Variants in UNC13B observed in about 807,000 individuals in gnomAD.
The protein encoded by UNC13B is protein unc-13 homolog B.
UNC13B carries 144 observed loss-of-function variants against 211.0 expected under a neutral mutation model. The ratio of observed to expected loss-of-function variants is 0.68; its 90% CI spans 0.60 to 0.78. The LOEUF (loss-of-function observed/expected upper bound fraction) is 0.78. UNC13B is among the 30% of genes least tolerant of loss of function. The pLI is 0.00. For synonymous variants in UNC13B, 709 were observed against 725.8 expected, an observed-to-expected ratio of 0.98 and a Z score of 0.37; for missense variants, 1,777 against 2,002.0, an observed-to-expected ratio of 0.89 and a Z score of 2.14.
chr9:35,396,631 G>A (rs368866442), intron 27 of UNC13B, 29 bp downstream of exon 27: 2 of 1,612,870 alleles, frequency 1.2e-6, no homozygotes, highest in Non-Finnish European at 8.5e-7. Flanking sequence ...ACTACAGAGG[G>A]AAGGGAGCCC....
At chr9:35,393,408 G>A (rs1023541826) in intron 26 of UNC13B, among the ~76,000 whole-genome samples, 6 of 152,026 alleles carry the variant, frequency 3.9e-5, no homozygotes, top group Admixed American at 2.0e-4. Context: ...AAGACCTGGG[G>A]TCTAGAGAGA....
chr9:35,173,956 C>T (rs774020664), intron 1 of UNC13B, among the ~76,000 whole-genome samples: 2 of 152,094 alleles, frequency 1.3e-5, no homozygotes, highest in Non-Finnish European at 2.9e-5. Context: ...GTAGTAGTAC[C>T]AGTGATGGTG....
rs1824958296 is a variant in UNC13B at position 35,228,025 on chromosome 9, C to A, written c.33C>A (p.Ala11=). 6.2e-7 allele frequency: 1 copy of A among 1,612,096 alleles called. No homozygotes were observed. Among genetic ancestry groups the A allele is most frequent in the African/African-American group, 1.3e-5 (1 of 74,796 alleles). The change falls in exon 2 of 40, where the codon GCC becomes GCA. Residue 11 remains alanine, a synonymous_variant. Coordinates refer to ENST00000635942, the MANE Select transcript of UNC13B (RefSeq NM_001371189.2). MSLLCVRVKR[A]KFQGSPDKFN... is the part of the protein sequence containing the mutation. ...TTTTTTCTCTTGCAGTTAAAAGGGC[C>A]AAATTCCAGGGTTCACCAGGTAAGG...
At chr9:35,182,982 G>A (rs1353647005) in intron 1 of UNC13B, among the ~76,000 whole-genome samples, 2 of 152,136 alleles carry the variant, frequency 1.3e-5, no homozygotes, top group Non-Finnish European at 2.9e-5. Context: ...GATGGTCGCT[G>A]TCTCTTCAGA....
intron 7 of UNC13B, among the ~76,000 whole-genome samples, chr9:35,279,486 A>G (rs1420776908): frequency 6.6e-6 from 1 of 152,164 alleles, no homozygotes; most frequent in African/African-American, 2.4e-5. Context: ...GGCTATTGTG[A>G]ATAGTGCTGC....
chr9:35,305,354 A>G lies in UNC13B; in HGVS notation c.5950A>G (p.Thr1984Ala). The G allele has an allele frequency of 2.5e-6, 1 of 398,926 alleles. No homozygotes were observed. The highest frequency in any genetic ancestry group is 4.4e-6 in the Non-Finnish European group (1 of 225,990). The allele number at this position is 398,926 out of a possible 1,614,324, so 24.7% of individuals were successfully genotyped here. A position where few individuals can be genotyped will look rare whatever the true frequency, so the allele number is the denominator to read the frequency against. The change falls in exon 9 of 40, where the codon ACC becomes GCC. Residue 1984 changes from threonine to alanine, a missense_variant. Thr to Ala is a moderately conservative substitution (Grantham distance 58, BLOSUM62 0). Transcript: ENST00000635942. ...ESSGVSNFWG[T>A]LGDFFKANVS... The stretch of plus-strand genomic sequence containing the variant: ...TTCTGGTGTTTCAAATTTTTGGGGT[A>G]CCCTTGGGGATTTCTTTAAAGCCAA...
Position 35,389,981 on chromosome 9 carries a change from T to A in UNC13B, c.11222+8T>A. On this transcript the variant is annotated splice_region_variant and intron_variant, in intron 25 of 39. Coordinates refer to ENST00000635942, the MANE Select transcript of UNC13B (RefSeq NM_001371189.2). ...CACACCTGTTCTGAACCAGTGAGTA[T>A]CACCCTCTTTGGCCCTGTCTGTTGG... is the stretch of plus-strand genomic sequence containing the variant. The A allele has an allele frequency of 6.2e-7, 1 of 1,613,776 alleles. No homozygotes were observed. Among genetic ancestry groups the A allele is most frequent in the South Asian group, 1.1e-5 (1 of 91,056 alleles).
rs1371480642 is a variant in UNC13B, at chr9:35,313,673, T to TAAATAAAA, written c.9324-223_9324-222insTAAAAAAA. ...ATAAATAAATAAATAAATAAATAAA[T>TAAATAAAA]AAAAGAGGGAACAGATGAGAAGCTA... On this transcript the variant is annotated intron_variant, in intron 10 of 39. Transcript: ENST00000635942. Among the ~76,000 whole-genome samples the TAAATAAAA allele has an allele frequency of 7.6e-5, 11 of 144,934 alleles. No individual in the cohort carries two copies. The Middle Eastern group carries it at 0.011, about 141-fold the overall frequency.
chr9:35,370,439 GT>G, intron 13 of UNC13B, 43 bp downstream of exon 13: 2 of 1,591,744 alleles, frequency 1.3e-6, no homozygotes, highest in Non-Finnish European at 1.7e-6. Flanking sequence ...TAGCCTTGGG[GT>G]ATCCCCCATT....
At chr9:35,374,337 G>T (rs1365670765) in intron 13 of UNC13B, among the ~76,000 whole-genome samples, 2 of 121,648 alleles carry the variant, frequency 1.6e-5, no homozygotes, top group East Asian at 3.0e-4. Flanking sequence ...TAACTCTCTG[G>T]GCTTGGCATA....
At chr9:35,235,866 C>G (rs1267449563) in intron 3 of UNC13B, among the ~76,000 whole-genome samples, 1 of 152,102 alleles carries the variant, frequency 6.6e-6, no homozygotes, top group Non-Finnish European at 1.5e-5. Flanking sequence ...GGCAGGCAGG[C>G]CTGGCAATAA....
intron 22 of UNC13B, chr9:35,385,052 T>C: frequency 1.0e-6 from 1 of 985,464 alleles, no homozygotes; most frequent in African/African-American, 1.7e-5. Flanking sequence ...GTATATCTTA[T>C]ATTTGGCATA....
At chr9:35,352,861 CAAACAGT>C in intron 11 of UNC13B, 1 of 1,232,128 alleles carries the variant, frequency 8.1e-7, no homozygotes, top group Non-Finnish European at 1.0e-6. Flanking sequence ...CCCAGTTTTT[CAAACAGT>C]ACAGCCAAAA....
At chr9:35,400,884 CAAGG>C (rs1836252095) in intron 37 of UNC13B, among the ~76,000 whole-genome samples, 1 of 152,064 alleles carries the variant, frequency 6.6e-6, no homozygotes, top group Non-Finnish European at 1.5e-5. Context: ...GATAGGGAGA[CAAGG>C]AAGAGAGGCA....
chr9:35,254,988 A>G (rs978687240), intron 6 of UNC13B, among the ~76,000 whole-genome samples: 1 of 121,174 alleles, frequency 8.3e-6, no homozygotes, highest in Non-Finnish European at 1.6e-5. Flanking sequence ...TAATATATGT[A>G]TATATTATAT....
In UNC13B at chr9:35,184,809, GGGGGGGAGA is replaced by G. The variant is rs1164583190; in HGVS notation, c.22+22506_22+22514del. On this transcript the variant is annotated intron_variant, in intron 1 of 39. Transcript: ENST00000635942. ...AAAGAAAGAGAAAGAAGCGGGGGGG[GGGGGGGAGA>G]GAGAGAGAGAGAGAGGAGAAAGAAA... Among the ~76,000 whole-genome samples the G allele has an allele frequency of 3.3e-3, 377 of 112,848 alleles. 2 individuals are homozygous for G. The highest frequency in any genetic ancestry group is 0.014 in the Middle Eastern group (3 of 210). 74.0% of individuals were successfully genotyped at this position (112,848 alleles called of 152,430 possible).
chr9:35,362,786 C>T (rs538692644), intron 11 of UNC13B, among the ~76,000 whole-genome samples: 6 of 135,884 alleles, frequency 4.4e-5, no homozygotes, highest in Admixed American at 8.0e-5. Context: ...GGCAATAGAG[C>T]GAGACTCCGT....
At chr9:35,233,346 TC>T (rs1179851217) in intron 3 of UNC13B, among the ~76,000 whole-genome samples, 1 of 152,174 alleles carries the variant, frequency 6.6e-6, no homozygotes, top group African/African-American at 2.4e-5. Flanking sequence ...CCATAGCACT[TC>T]CCCTTTTGAC....
At chr9:35,201,672 G>A (rs929081679) in intron 1 of UNC13B, among the ~76,000 whole-genome samples, 19 of 152,128 alleles carry the variant, frequency 1.2e-4, no homozygotes, top group African/African-American at 1.9e-4. Flanking sequence ...CTGTGGGATC[G>A]GTGGTGATAT....
Sources: gnomAD v4.1 joint callset for allele counts (sites outside exome capture counted in the v4.1 genomes callset) on GRCh38, gnomAD v4.1.1 for gene constraint, MANE v1.5 for transcripts, NCBI Gene and HGNC (gene_info 2026-07-23, HGNC 2026-07-21) for gene names.